Variants in TSHR observed in about 807,000 individuals in gnomAD.
TSHR encodes the protein thyrotropin receptor.
A neutral mutation model predicts 64.1 loss-of-function variants in TSHR; 51 were observed. The observed-to-expected ratio is 0.80, with a 90% CI of 0.64 to 1.01. The LOEUF is 1.01. TSHR is among the 50% of genes least tolerant of loss of function. TSHR has a pLI of 0.00. For missense variants in TSHR, 877 were observed against 942.8 expected (o/e 0.93, Z 0.91); for synonymous variants, 361 against 361.9 (o/e 1.00, Z 0.03).
intron 1 of TSHR, chr14:80,983,306 C>G: frequency 8.9e-7 from 1 of 1,129,548 alleles, no homozygotes; most frequent in Non-Finnish European, 1.3e-6. Flanking sequence ...CTGATTTTGT[C>G]CATCACTACA....
In TSHR at chr14:81,112,353, C is replaced by T. The variant is rs559382265; in HGVS notation, c.692+3901C>T. Among the ~76,000 whole-genome samples, 120 of 152,262 alleles carry T rather than the reference C, an allele frequency of 7.9e-4. 1 individual carries two copies. The highest frequency in any genetic ancestry group is 2.6e-3 in the African/African-American group (108 of 41,554). On this transcript the variant is annotated intron_variant, in intron 8 of 9. Transcript: ENST00000298171. ...TCTGTTGTAACCTCTCTGATCACTC[C>T]TTCCCCATTTCTCTCCTTAGCTCAC...
chr14:81,138,338 G>A (rs1392773743), intron 8 of TSHR, among the ~76,000 whole-genome samples: 1 of 151,626 alleles, frequency 6.6e-6, no homozygotes, highest in Non-Finnish European at 1.5e-5. Flanking sequence ...CTACAGGCAC[G>A]TGCCACCATA....
intron 1 of TSHR, among the ~76,000 whole-genome samples, chr14:81,005,548 A>G (rs1889558932): frequency 6.6e-6 from 1 of 152,126 alleles, no homozygotes; most frequent in Non-Finnish European, 1.5e-5. Flanking sequence ...ATACAGGAAA[A>G]ATATTGATCC....
chr14:81,043,716 G>A (rs753258820), intron 1 of TSHR, among the ~76,000 whole-genome samples: 3 of 152,132 alleles, frequency 2.0e-5, no homozygotes, highest in Non-Finnish European at 4.4e-5. Context: ...AAAACAGCAT[G>A]GTACTGGGAC....
intron 1 of TSHR, among the ~76,000 whole-genome samples, chr14:81,044,564 A>C (rs1235904022): frequency 6.6e-6 from 1 of 151,486 alleles, no homozygotes; most frequent in African/African-American, 2.4e-5. Context: ...AGGCTGAGGC[A>C]GGAGACTTGC....
At chr14:81,044,794 G>A (rs1885096540) in intron 1 of TSHR, among the ~76,000 whole-genome samples, 2 of 152,224 alleles carry the variant, frequency 1.3e-5, no homozygotes, top group East Asian at 3.9e-4. Flanking sequence ...GCTATACACT[G>A]TCGGTGAGAG....
chr14:81,144,431 C>T lies in TSHR; in HGVS notation c.*78C>T, dbSNP rs1244651427. ...TTGAATATGCATTCCAATCCCATGA[C>T]ACCCCCAACACATAGCTGCCCTCAC... On this transcript the variant is annotated 3_prime_UTR_variant, in exon 10 of 10. Transcript: ENST00000298171. The T allele has an allele frequency of 1.6e-5, 22 of 1,401,950 alleles. No homozygotes were observed. Among genetic ancestry groups the T allele is most frequent in the Non-Finnish European group, 2.2e-5 (22 of 999,150 alleles). 86.8% of individuals were successfully genotyped at this position (1,401,950 alleles called of 1,614,324 possible). A position where few individuals can be genotyped will look rare whatever the true frequency, so the allele number is the denominator to read the frequency against.
rs1889710036 is a variant in TSHR, at chr14:81,103,444, T to C, written c.615-4931T>C. The C allele has an allele frequency of 1.0e-6, 1 of 985,356 alleles. No individual in the cohort carries two copies. Among genetic ancestry groups the C allele is most frequent in the Non-Finnish European group, 1.2e-6 (1 of 829,956 alleles). 61.0% of individuals were successfully genotyped at this position (985,356 alleles called of 1,614,324 possible). ...TCCACTTCATGACAATTTACTGAAA[T>C]TAGCAGATCGACCTCATTTACACTC... is the stretch of plus-strand genomic sequence containing the variant. On this transcript the variant is annotated intron_variant, in intron 7 of 9. Coordinates refer to ENST00000298171, the MANE Select transcript of TSHR (RefSeq NM_000369.5). The surrounding 1 kb of genome is among the most constrained non-coding windows in gnomAD (Gnocchi z 4.1).
intron 3 of TSHR, among the ~76,000 whole-genome samples, chr14:81,084,855 C>T (rs1566802581): frequency 6.6e-6 from 1 of 152,234 alleles, no homozygotes; most frequent in Non-Finnish European, 1.5e-5. Context: ...CTCTTTCACC[C>T]TTCTCTGATT....
At position 81,034,740 on chromosome 14, in the gene TSHR, G is replaced by A. The variant is rs549285564; in HGVS notation, c.171-27408G>A. 5.9e-5 allele frequency among the ~76,000 whole-genome samples: 9 copies of A among 152,206 alleles called. No homozygotes were observed. In the South Asian group the frequency reaches 8.3e-4, roughly 14 times the overall value. Reference sequence around the variant, plus strand: ...ACCAGAAATAGCTTTTTATAGAATCGTTTTGGGGTTTGCGAAAATTGTCCT... The same window carrying A: ...ACCAGAAATAGCTTTTTATAGAATCATTTTGGGGTTTGCGAAAATTGTCCT... On this transcript the variant is annotated intron_variant, in intron 1 of 9. Coordinates refer to ENST00000298171, the MANE Select transcript of TSHR (RefSeq NM_000369.5).
chr14:81,092,958 T>C (rs1014661034), intron 6 of TSHR, among the ~76,000 whole-genome samples: 13 of 152,224 alleles, frequency 8.5e-5, no homozygotes, highest in African/African-American at 3.1e-4. Flanking sequence ...TGAGCATGTC[T>C]GTGTTCCAAT....
At chr14:80,968,556 A>G (rs185166395) in intron 1 of TSHR, among the ~76,000 whole-genome samples, 165 of 152,196 alleles carry the variant, frequency 1.1e-3, no homozygotes, top group Non-Finnish European at 2.2e-3. Context: ...TTTGACTCCA[A>G]TCCTAGATTT....
At chr14:81,074,989 A>C (rs1887390529) in intron 3 of TSHR, among the ~76,000 whole-genome samples, 1 of 152,222 alleles carries the variant, frequency 6.6e-6, no homozygotes, top group Admixed American at 6.5e-5. Context: ...TTAGAACATA[A>C]GCACTCTTTA....
chr14:81,028,615 C>CTTA lies in TSHR; in HGVS notation c.171-33532_171-33531insTAT, dbSNP rs1291836071. Among the ~76,000 whole-genome samples, 25 of 152,160 alleles carry CTTA rather than the reference C, an allele frequency of 1.6e-4. No homozygotes were observed. In the South Asian group the frequency reaches 5.2e-3, roughly 32 times the overall value. Reference sequence around the variant, plus strand: ...ATTGGATTACGGTAATATAAGATTGCTAGTTCCCCTAACCAACTGCCATGA... The same window carrying CTTA: ...ATTGGATTACGGTAATATAAGATTGCTTATAGTTCCCCTAACCAACTGCCATGA... On this transcript the variant is annotated intron_variant, in intron 1 of 9. Coordinates refer to ENST00000298171, the MANE Select transcript of TSHR (RefSeq NM_000369.5).
chr14:80,969,605 C>T (rs1887495797), intron 1 of TSHR, among the ~76,000 whole-genome samples: 1 of 152,194 alleles, frequency 6.6e-6, no homozygotes, highest in Admixed American at 6.5e-5. Context: ...CTTGATTAGA[C>T]TTGATGAAAA....
At chr14:80,964,741 G>T (rs1354403752) in intron 1 of TSHR, among the ~76,000 whole-genome samples, 1 of 151,720 alleles carries the variant, frequency 6.6e-6, no homozygotes, top group African/African-American at 2.4e-5. Flanking sequence ...TTGGCATTTT[G>T]TAAGTGTACT....
intron 1 of TSHR, among the ~76,000 whole-genome samples, chr14:80,972,504 TC>T (rs1887633344): frequency 6.6e-6 from 1 of 152,172 alleles, no homozygotes; most frequent in African/African-American, 2.4e-5. Flanking sequence ...AATTCATGTC[TC>T]CCAACTCTAA....
intron 1 of TSHR, among the ~76,000 whole-genome samples, chr14:80,961,223 C>T (rs1449493951): frequency 1.3e-5 from 2 of 152,204 alleles, no homozygotes; most frequent in East Asian, 3.8e-4. Context: ...ATATCCCAGA[C>T]ACTGTGTCAC....
In TSHR at chr14:81,108,431, T is replaced by G; in HGVS notation, c.671T>G (p.Val224Gly). 1 of 1,613,622 alleles carries G rather than the reference T, an allele frequency of 6.2e-7. No individual in the cohort carries two copies. Among genetic ancestry groups the G allele is most frequent in the Non-Finnish European group, 8.5e-7 (1 of 1,179,898 alleles). ...TVIDKDAFGG[V>G]YSGPSLLDVS... The stretch of plus-strand genomic sequence containing the variant: ...ATTGACAAAGATGCATTTGGAGGAG[T>G]ATACAGTGGACCAAGCTTGCTGTGA... The change falls in exon 8 of 10, where the codon GTA becomes GGA. Residue 224 changes from valine (V) to glycine (G), a missense_variant. Coordinates refer to ENST00000298171, the MANE Select transcript of TSHR (RefSeq NM_000369.5).
Sources: gnomAD v4.1 joint callset for allele counts (sites outside exome capture counted in the v4.1 genomes callset) on GRCh38, gnomAD v4.1.1 for gene constraint, Gnocchi (gnomAD v3.1) non-coding constraint, MANE v1.5 for transcripts, NCBI Gene and HGNC (gene_info 2026-07-23, HGNC 2026-07-21) for gene names.